The following GRIA1 variants were observed in gnomAD, a reference collection of about 807,000 sequenced individuals.
GRIA1 encodes the protein glutamate receptor 1.
A neutral mutation model predicts 99.2 loss-of-function variants in GRIA1; 31 were observed. The ratio of observed to expected loss-of-function variants is 0.31; its 90% confidence interval spans 0.23 to 0.42. GRIA1 has a LOEUF of 0.42. Ranked by LOEUF, GRIA1 falls within the 10% of genes least tolerant of loss-of-function variation. GRIA1 has a pLI of 1.00. For missense variants in GRIA1, 782 were observed against 1,157.5 expected, an observed-to-expected ratio of 0.68 and a Z score of 4.71; for synonymous variants, 438 against 432.4, an observed-to-expected ratio of 1.01 and a Z score of -0.16.
At chr5:153,696,342 C>G (rs1758097439) in intron 8 of GRIA1, among the ~76,000 whole-genome samples, 1 of 151,850 alleles carries the variant, frequency 6.6e-6, no homozygotes. Context: ...AAGTCCAGAG[C>G]CCAATCCCTT....
chr5:153,748,331 G>A (rs1056765196), intron 11 of GRIA1, among the ~76,000 whole-genome samples: 4 of 152,116 alleles, frequency 2.6e-5, no homozygotes, highest in African/African-American at 4.8e-5. Flanking sequence ...CAGGTAAGGG[G>A]ATCAACAAAA....
At chr5:153,729,723 C>G (rs1214489826) in intron 11 of GRIA1, among the ~76,000 whole-genome samples, 1 of 152,064 alleles carries the variant, frequency 6.6e-6, no homozygotes, top group East Asian at 1.9e-4. Flanking sequence ...TGCATCAAGA[C>G]AAAAACCCCC....
intron 11 of GRIA1, among the ~76,000 whole-genome samples, chr5:153,724,677 C>T (rs962248198): frequency 4.8e-4 from 72 of 151,528 alleles, no homozygotes; most frequent in African/African-American, 1.1e-3. Context: ...TGAAATGAAG[C>T]GAGAAGGGAA....
rs185028956 is a variant in GRIA1 at position 153,692,704 on chromosome 5, C to T, written c.1135-5340C>T. On this transcript the variant is annotated intron_variant, in intron 8 of 15. Transcript: ENST00000285900. Reference sequence around the variant, plus strand: ...TCTCTACCTCCTAAATGTTCTAAAACGCCAACTCTTTAAAAGCAAGGACCA... The same window carrying T: ...TCTCTACCTCCTAAATGTTCTAAAATGCCAACTCTTTAAAAGCAAGGACCA... Among the ~76,000 whole-genome samples the T allele has an allele frequency of 5.5e-4, 83 of 152,272 alleles. 1 individual carries two copies. In the South Asian group the frequency reaches 7.9e-3, roughly 14 times the overall value.
At chr5:153,639,114 T>G (rs1306067621) in intron 2 of GRIA1, among the ~76,000 whole-genome samples, 1 of 152,228 alleles carries the variant, frequency 6.6e-6, no homozygotes, top group Non-Finnish European at 1.5e-5. Context: ...GTTCCCATTT[T>G]CTAGCTTATC....
At chr5:153,695,771 G>T (rs1258174818) in intron 8 of GRIA1, among the ~76,000 whole-genome samples, 2 of 152,202 alleles carry the variant, frequency 1.3e-5, no homozygotes, top group African/African-American at 4.8e-5. Flanking sequence ...CCTGCACTGA[G>T]GGTAAGCCTC....
intron 13 of GRIA1, among the ~76,000 whole-genome samples, chr5:153,786,283 C>G (rs1452477545): frequency 2.0e-5 from 3 of 152,002 alleles, no homozygotes; most frequent in African/African-American, 7.3e-5. Context: ...AACCTCATCT[C>G]CCCGAAGGTC....
intron 11 of GRIA1, among the ~76,000 whole-genome samples, chr5:153,751,585 C>A (rs906459910): frequency 2.0e-5 from 3 of 152,352 alleles, no homozygotes; most frequent in African/African-American, 7.2e-5. Flanking sequence ...ATAAGACCCA[C>A]AAGCCTGAAA....
intron 2 of GRIA1, among the ~76,000 whole-genome samples, chr5:153,504,277 T>C (rs893929776): frequency 2.6e-5 from 4 of 151,820 alleles, no homozygotes; most frequent in Admixed American, 2.6e-4. Context: ...CAGGATGCTA[T>C]TACCAAAAGA....
intron 6 of GRIA1, among the ~76,000 whole-genome samples, chr5:153,676,754 C>A (rs372642306): frequency 1.6e-4 from 25 of 152,284 alleles, no homozygotes; most frequent in African/African-American, 5.8e-4. Context: ...GTACTGAACT[C>A]ACAGTTCAAG....
chr5:153,755,808 A>G (rs189379732), intron 11 of GRIA1: 7 of 152,384 alleles, frequency 4.6e-5, no homozygotes, highest in African/African-American at 1.2e-4. Context: ...AGATTCAGGT[A>G]GGAGATTATA....
At chr5:153,765,369 T>A (rs879907709) in intron 12 of GRIA1, among the ~76,000 whole-genome samples, 1 of 152,154 alleles carries the variant, frequency 6.6e-6, no homozygotes, top group African/African-American at 2.4e-5. Flanking sequence ...AGATAGGGTA[T>A]CTAAAATTAG....
chr5:153,599,011 A>G (rs1329438482), intron 2 of GRIA1, among the ~76,000 whole-genome samples: 1 of 152,140 alleles, frequency 6.6e-6, no homozygotes, highest in African/African-American at 2.4e-5. Context: ...CCTCCCGAGC[A>G]GCTGGAACTG....
chr5:153,737,063 T>C (rs1581568739), intron 11 of GRIA1, among the ~76,000 whole-genome samples: 1 of 152,070 alleles, frequency 6.6e-6, no homozygotes, highest in African/African-American at 2.4e-5. Context: ...CAGGGATGTA[T>C]TGGGTTAGGC....
At chr5:153,672,474 A>T (rs1756261613) in intron 5 of GRIA1, among the ~76,000 whole-genome samples, 1 of 152,204 alleles carries the variant, frequency 6.6e-6, no homozygotes, top group African/African-American at 2.4e-5. Context: ...CTGAGATCCA[A>T]AAAATGGAAA....
rs143072453 is a variant in GRIA1, at chr5:153,733,338, G to A, written c.1823+27271G>A. Among the ~76,000 whole-genome samples the A allele has an allele frequency of 8.8e-3, 1,333 of 151,992 alleles. 7 individuals carry two copies. Among genetic ancestry groups the A allele is most frequent in the South Asian group, 0.014 (67 of 4,810 alleles). On this transcript the variant is annotated intron_variant, in intron 11 of 15. Coordinates refer to ENST00000285900, the MANE Select transcript of GRIA1 (RefSeq NM_000827.4). Reference sequence around the variant, plus strand: ...AGATGCTTTACATAAGCCTCCTTACGTAAGATGTTTTATGTATGCAAAAAC... The same window carrying A: ...AGATGCTTTACATAAGCCTCCTTACATAAGATGTTTTATGTATGCAAAAAC...
intron 2 of GRIA1, among the ~76,000 whole-genome samples, chr5:153,544,910 A>C (rs1759467713): frequency 6.6e-6 from 1 of 152,222 alleles, no homozygotes; most frequent in Admixed American, 6.5e-5. Context: ...AAGCAGTGCC[A>C]GACTGGATTC....
chr5:153,695,160 A>C (rs1196384640), intron 8 of GRIA1, among the ~76,000 whole-genome samples: 1 of 152,136 alleles, frequency 6.6e-6, no homozygotes, highest in Non-Finnish European at 1.5e-5. Flanking sequence ...AGATCATTTA[A>C]TCTCCCTAAG....
intron 14 of GRIA1, among the ~76,000 whole-genome samples, chr5:153,801,349 G>C (rs1472322689): frequency 7.0e-6 from 1 of 143,542 alleles, no homozygotes; most frequent in African/African-American, 2.8e-5. Flanking sequence ...AGTTGTGTTT[G>C]ATTGTTCTCA....
Sources: gnomAD v4.1 joint callset for allele counts (sites outside exome capture counted in the v4.1 genomes callset) on GRCh38, gnomAD v4.1.1 for gene constraint, MANE v1.5 for transcripts, NCBI Gene and HGNC (gene_info 2026-07-23, HGNC 2026-07-21) for gene names.